The following VBP1 variants were observed in gnomAD, a reference collection of about 807,000 sequenced individuals.
VBP1 encodes VHL binding protein 1.
VBP1 carries 4 observed loss-of-function variants against 15.5 expected under a neutral mutation model. That is an observed-to-expected ratio of 0.26 (90% CI 0.13 to 0.59). The LOEUF (loss-of-function observed/expected upper bound fraction) is 0.59, where lower values mean the gene tolerates loss of function less well. Among genes scored for constraint, VBP1 ranks in the 20% least tolerant of loss-of-function variants. The pLI is 0.90. For missense variants in VBP1, 108 were observed against 139.6 expected, an observed-to-expected ratio of 0.77 and a Z score of 1.14; for synonymous variants, 61 against 52.1, an observed-to-expected ratio of 1.17 and a Z score of -0.74.
intron 1 of VBP1, among the ~76,000 whole-genome samples, chrX:155,205,575 C>T (rs2074623392): frequency 8.9e-6 from 1 of 111,789 alleles, no homozygotes; most frequent in African/African-American, 3.3e-5. Context: ...CTGCAGTAGC[C>T]TCCTACCTGG....
At chrX:155,222,768 G>A (rs1021536236) in intron 2 of VBP1, among the ~76,000 whole-genome samples, 1 of 111,253 alleles carries the variant, frequency 9.0e-6, no homozygotes, top group Non-Finnish European at 1.9e-5. Flanking sequence ...TGTTTGTCTA[G>A]TGTTTTAAAA....
chrX:155,231,152 C>T (rs1557310814), intron 4 of VBP1, among the ~76,000 whole-genome samples: 1 of 112,133 alleles, frequency 8.9e-6, no homozygotes, highest in African/African-American at 3.2e-5. Context: ...GCTCAAGACC[C>T]CAGTGGTTTC....
chrX:155,223,505 G>A (rs782377047), intron 2 of VBP1, among the ~76,000 whole-genome samples: 180 of 110,937 alleles, frequency 1.6e-3, no homozygotes, highest in African/African-American at 5.7e-3. Context: ...CAGAGAGCAC[G>A]GGGTTGGGGG....
At chrX:155,223,110 C>CTTTTTTTTTTTTTTTTTTTTTCT (rs202157365) in intron 2 of VBP1, among the ~76,000 whole-genome samples, 1 of 70,827 alleles carries the variant, frequency 1.4e-5, no homozygotes, top group Non-Finnish European at 2.7e-5. Flanking sequence ...ACATGCTAGC[C>CTTTTTTTTTTTTTTTTTTTTTCT]TTTTTGTTTT....
chrX:155,239,100 A>G lies in VBP1; in HGVS notation c.*258A>G. ...TGTCATAAGAAAACTCTTAGCTGAA[A>G]TGGCCGAAAACTGTGAGACATGCTA... is the stretch of plus-strand genomic sequence containing the variant. On this transcript the variant is annotated 3_prime_UTR_variant, in exon 6 of 6. Coordinates refer to ENST00000286428, the MANE Select transcript of VBP1 (RefSeq NM_003372.7). 4.1e-6 allele frequency: 1 copy of G among 242,763 alleles called. No homozygotes were observed. Among genetic ancestry groups the G allele is most frequent in the East Asian group, 8.3e-5 (1 of 12,068 alleles). 20.0% of individuals were successfully genotyped at this position (242,763 alleles called of 1,213,427 possible).
chrX:155,238,226 T>C (rs2074783121), intron 5 of VBP1, among the ~76,000 whole-genome samples: 1 of 111,916 alleles, frequency 8.9e-6, no homozygotes, highest in Non-Finnish European at 1.9e-5. Flanking sequence ...GGACAGTCTC[T>C]GTTACATTGA....
At position 155,239,624 on chromosome X, in the gene VBP1, T is replaced by A. The variant is rs2074790161; in HGVS notation, c.*782T>A. 1 of 112,092 alleles carries A rather than the reference T, an allele frequency of 8.9e-6. No homozygotes were observed. The highest frequency in any genetic ancestry group is 3.2e-5 in the African/African-American group (1 of 30,802). The allele number at this position is 112,092 out of a possible 1,213,427, so 9.2% of individuals were successfully genotyped here. A position where few individuals can be genotyped will look rare whatever the true frequency, so the allele number is the denominator to read the frequency against. ...GGCTGAAAAGAGTTGTGAGCTTTTT[T>A]ATTCATGATAAAACCTTATAGGAAT... On this transcript the variant is annotated 3_prime_UTR_variant, in exon 6 of 6. Transcript: ENST00000286428.
upstream of VBP1, among the ~76,000 whole-genome samples, chrX:155,216,211 C>T (rs187205234): frequency 3.7e-3 from 412 of 111,729 alleles, no homozygotes; most frequent in African/African-American, 0.012. Context: ...CACAAGACCC[C>T]TTTTCCCAGG....
chrX:155,211,400 C>A (rs1281554140), intron 2 of VBP1, among the ~76,000 whole-genome samples: 1 of 112,004 alleles, frequency 8.9e-6, no homozygotes, highest in Non-Finnish European at 1.9e-5. Flanking sequence ...AAATATTGAT[C>A]AACTTGATCA....
At chrX:155,238,719 T>G (rs2074785482) in intron 5 of VBP1, 53 bp from the exon 6 acceptor site, 4 of 996,472 alleles carry the variant, frequency 4.0e-6, no homozygotes, top group Non-Finnish European at 5.6e-6. Context: ...ACTTAGTCAT[T>G]GCATGCATTA....
chrX:155,219,416 T>C (rs2074678897), intron 1 of VBP1, among the ~76,000 whole-genome samples: 1 of 112,410 alleles, frequency 8.9e-6, no homozygotes, highest in African/African-American at 3.2e-5. Context: ...GTTATTACTG[T>C]TACAAAAGAT....
chrX:155,224,595 AGAGGGC>A (rs1205803894), intron 2 of VBP1, among the ~76,000 whole-genome samples: 1 of 111,887 alleles, frequency 8.9e-6, no homozygotes, highest in Non-Finnish European at 1.9e-5. Flanking sequence ...GACCATGCAA[AGAGGGC>A]GAGGGCGAGG....
intron 1 of VBP1, among the ~76,000 whole-genome samples, chrX:155,201,076 T>C (rs2074601367): frequency 1.8e-5 from 2 of 111,505 alleles, no homozygotes; most frequent in Admixed American, 9.5e-5. Context: ...GTTGAATCTC[T>C]GAATAGACCA....
chrX:155,201,601 G>A lies in VBP1; in HGVS notation c.-31+4462G>A, dbSNP rs2074604261. Among the ~76,000 whole-genome samples, 2 of 82,534 alleles carry A rather than the reference G, an allele frequency of 2.4e-5. 1 individual carries two copies. The highest frequency in any genetic ancestry group is 1.1e-3 in the South Asian group (2 of 1,879). 71.7% of individuals were successfully genotyped at this position (82,534 alleles called of 115,157 possible). A position where few individuals can be genotyped will look rare whatever the true frequency, so the allele number is the denominator to read the frequency against. On this transcript the variant is annotated intron_variant, in intron 1 of 6. Transcript: ENST00000535916. ...CTCTCAATAAATTAGGTATTGATGG[G>A]ACGTATCTCAAAATAATAAGAGCTA...
At chrX:155,204,222 G>A (rs1221632050) in intron 1 of VBP1, among the ~76,000 whole-genome samples, 1 of 111,057 alleles carries the variant, frequency 9.0e-6, no homozygotes, top group Non-Finnish European at 1.9e-5. Context: ...GCACGATGTC[G>A]GTTCACTGCA....
upstream of VBP1, chrX:155,216,275 G>A (rs2124061321): frequency 1.2e-6 from 1 of 834,181 alleles, no homozygotes; most frequent in East Asian, 3.6e-5. Context: ...GCCCTTCCAC[G>A]CTTGTCACTT....
intron 1 of VBP1, among the ~76,000 whole-genome samples, chrX:155,217,573 CTT>C (rs1205371354): frequency 1.3e-4 from 15 of 111,882 alleles, no homozygotes; most frequent in African/African-American, 4.9e-4. Context: ...TTATACCACA[CTT>C]GATATTGTAT....
intron 4 of VBP1, among the ~76,000 whole-genome samples, chrX:155,234,505 G>A (rs1272581466): frequency 1.8e-5 from 2 of 111,176 alleles, no homozygotes; most frequent in Non-Finnish European, 3.8e-5. Context: ...CTATTCACAC[G>A]CAAAGCATTC....
At chrX:155,220,806 C>G (rs113442958) in intron 2 of VBP1, among the ~76,000 whole-genome samples, 2,995 of 112,041 alleles carry the variant, frequency 0.027, 43 homozygotes, top group South Asian at 0.042. Flanking sequence ...TGTGCATGTG[C>G]CAGCATTCTT....
Sources: allele counts gnomAD v4.1 joint callset (sites outside exome capture counted in the v4.1 genomes callset), GRCh38; gene constraint gnomAD v4.1.1; transcripts MANE v1.5; gene names NCBI Gene and HGNC (gene_info 2026-07-23, HGNC 2026-07-21).